The following ZHX2 variants were observed in gnomAD, a reference collection of about 807,000 sequenced individuals.
ZHX2 encodes the protein zinc fingers and homeoboxes protein 2.
ZHX2 carries 6 observed loss-of-function variants against 21.9 expected under a neutral mutation model. That is an observed-to-expected ratio of 0.27 (90% CI 0.15 to 0.54). ZHX2 has a LOEUF of 0.54. Among genes scored for constraint, ZHX2 ranks in the 20% least tolerant of loss-of-function variants. The pLI is 0.95. For missense variants in ZHX2, 908 were observed against 1,090.7 expected (o/e 0.83, Z 2.36); for synonymous variants, 434 against 437.1 (o/e 0.99, Z 0.09).
intron 1 of ZHX2, among the ~76,000 whole-genome samples, chr8:122,827,263 C>A (rs746966193): frequency 1.1e-4 from 16 of 152,156 alleles, no homozygotes; most frequent in Non-Finnish European, 2.1e-4. Context: ...GTCTCAAACT[C>A]TTGGACTCAG....
intron 1 of ZHX2, among the ~76,000 whole-genome samples, chr8:122,844,549 G>A (rs7002043): frequency 0.69 from 105,531 of 152,120 alleles, 37,303 homozygotes; most frequent in Middle Eastern, 0.84. Flanking sequence ...ACTGGGGTCC[G>A]GAGAGAGGAG....
chr8:122,832,810 C>T (rs1440466279), intron 1 of ZHX2, among the ~76,000 whole-genome samples: 1 of 152,010 alleles, frequency 6.6e-6, no homozygotes, highest in Non-Finnish European at 1.5e-5. Flanking sequence ...GATAGGTGAC[C>T]GAGGAGGTGC....
intron 2 of ZHX2, among the ~76,000 whole-genome samples, chr8:122,870,216 G>A (rs1819397497): frequency 6.6e-6 from 1 of 152,194 alleles, no homozygotes; most frequent in African/African-American, 2.4e-5. Flanking sequence ...CAAGGTCAAT[G>A]AGGCAGACTG....
chr8:122,880,794 G>A (rs5022659), intron 2 of ZHX2, among the ~76,000 whole-genome samples: 17 of 145,878 alleles, frequency 1.2e-4, no homozygotes, highest in Middle Eastern at 3.5e-3. Flanking sequence ...AAAAAATAGA[G>A]AGAGTGAGAG....
At chr8:122,923,635 A>T (rs1043277085) in intron 2 of ZHX2, among the ~76,000 whole-genome samples, 2 of 152,218 alleles carry the variant, frequency 1.3e-5, no homozygotes, top group Non-Finnish European at 2.9e-5. Flanking sequence ...CCACAAAGTC[A>T]CCACACCCAC....
chr8:122,886,144 G>C (rs1397609081), intron 2 of ZHX2, among the ~76,000 whole-genome samples: 1 of 152,204 alleles, frequency 6.6e-6, no homozygotes, highest in East Asian at 1.9e-4. Flanking sequence ...GTGTTATTCA[G>C]CCATAAAAAG....
intron 1 of ZHX2, among the ~76,000 whole-genome samples, chr8:122,846,543 TTGTG>T (rs1818754509): frequency 1.4e-5 from 2 of 146,738 alleles, no homozygotes; most frequent in Non-Finnish European, 3.0e-5. Flanking sequence ...GTTTCAGACT[TTGTG>T]TATTTTTTTT....
At chr8:122,850,330 T>C (rs1180749104) in intron 1 of ZHX2, among the ~76,000 whole-genome samples, 1 of 151,856 alleles carries the variant, frequency 6.6e-6, no homozygotes, top group Non-Finnish European at 1.5e-5. Context: ...CCTCTACCAC[T>C]GTCCCCCATT....
intron 2 of ZHX2, among the ~76,000 whole-genome samples, chr8:122,875,889 C>A (rs1194759533): frequency 6.6e-6 from 1 of 152,208 alleles, no homozygotes; most frequent in African/African-American, 2.4e-5. Flanking sequence ...TTCCCTGACC[C>A]CTTTTCCCTA....
chr8:122,895,925 AT>A (rs1820089305), intron 2 of ZHX2, among the ~76,000 whole-genome samples: 1 of 151,774 alleles, frequency 6.6e-6, no homozygotes, highest in Non-Finnish European at 1.5e-5. Flanking sequence ...GCTCACTCTT[AT>A]TTTTTTTCTT....
intron 2 of ZHX2, among the ~76,000 whole-genome samples, chr8:122,900,683 A>G (rs1174064566): frequency 1.3e-5 from 2 of 152,182 alleles, no homozygotes; most frequent in East Asian, 1.9e-4. Flanking sequence ...TTGTTTTCCA[A>G]AGTTCATAAA....
intron 1 of ZHX2, among the ~76,000 whole-genome samples, chr8:122,800,304 A>T (rs577076710): frequency 6.6e-6 from 1 of 152,114 alleles, no homozygotes; most frequent in Admixed American, 6.5e-5. Flanking sequence ...CCCGCATCCC[A>T]TCCTGCCCTC....
intron 2 of ZHX2, among the ~76,000 whole-genome samples, chr8:122,874,076 A>T (rs1354017224): frequency 6.6e-6 from 1 of 152,228 alleles, no homozygotes; most frequent in Non-Finnish European, 1.5e-5. Flanking sequence ...GTTTTAGACT[A>T]GTCAAGTGCA....
intron 1 of ZHX2, among the ~76,000 whole-genome samples, chr8:122,804,975 A>C (rs997530754): frequency 4.6e-5 from 7 of 152,134 alleles, no homozygotes; most frequent in Admixed American, 2.6e-4. Context: ...GCCATCCCCC[A>C]GCTGTAGACT....
chr8:122,844,505 G>A (rs979081611), intron 1 of ZHX2, among the ~76,000 whole-genome samples: 1 of 152,196 alleles, frequency 6.6e-6, no homozygotes, highest in African/African-American at 2.4e-5. Context: ...AAAGAACTCT[G>A]GGAATCTAGA....
intron 2 of ZHX2, among the ~76,000 whole-genome samples, chr8:122,911,481 A>G (rs963040802): frequency 1.3e-5 from 2 of 152,116 alleles, no homozygotes; most frequent in South Asian, 2.1e-4. Context: ...AGACTGCTCT[A>G]CAAAGAGAGG....
At chr8:122,906,721 A>G (rs1217106989) in intron 2 of ZHX2, among the ~76,000 whole-genome samples, 1 of 128,108 alleles carries the variant, frequency 7.8e-6, no homozygotes, top group Non-Finnish European at 1.5e-5. Flanking sequence ...CCCAGGCTGG[A>G]GTACAGTAGG....
At chr8:122,878,802 A>T (rs1339470776) in intron 2 of ZHX2, among the ~76,000 whole-genome samples, 1 of 152,178 alleles carries the variant, frequency 6.6e-6, no homozygotes, top group African/African-American at 2.4e-5. Context: ...CCTTCAAGCC[A>T]CATGGAGGAG....
At chr8:122,900,581 T>C (rs919645649) in intron 2 of ZHX2, among the ~76,000 whole-genome samples, 6 of 152,186 alleles carry the variant, frequency 3.9e-5, no homozygotes, top group Admixed American at 3.9e-4. Context: ...CAGTGACTTC[T>C]GCTCCTCACA....
Sources: allele counts gnomAD v4.1 joint callset (sites outside exome capture counted in the v4.1 genomes callset), GRCh38; gene constraint gnomAD v4.1.1; transcripts MANE v1.5; gene names NCBI Gene and HGNC (gene_info 2026-07-23, HGNC 2026-07-21).